Variants in LUZP1 observed in about 807,000 individuals in gnomAD.
The protein encoded by LUZP1 is leucine zipper protein 1.
In LUZP1, 25 loss-of-function variants were observed where a neutral mutation model predicts 71.3. The ratio of observed to expected loss-of-function variants is 0.35; its 90% CI spans 0.26 to 0.49. The LOEUF (loss-of-function observed/expected upper bound fraction) is 0.49. LUZP1 is among the 20% of genes least tolerant of loss of function. The pLI is 0.99. For missense variants in LUZP1, 1,142 were observed against 1,300.8 expected (o/e 0.88, Z 1.88); for synonymous variants, 481 against 506.4 (o/e 0.95, Z 0.67).
chr1:23,106,750 C>A (rs1028922229), intron 3 of LUZP1, among the ~76,000 whole-genome samples: 1 of 152,184 alleles, frequency 6.6e-6, no homozygotes, highest in Non-Finnish European at 1.5e-5. Context: ...TACCATCATC[C>A]CTGCCCTGGA....
At chr1:23,132,673 T>C (rs1205363337) in intron 2 of LUZP1, among the ~76,000 whole-genome samples, 1 of 152,126 alleles carries the variant, frequency 6.6e-6, no homozygotes, top group Non-Finnish European at 1.5e-5. Flanking sequence ...GCTTGTCAAA[T>C]TGTTCAGAAA....
At chr1:23,123,946 C>T (rs1010447381) in intron 2 of LUZP1, among the ~76,000 whole-genome samples, 7 of 152,104 alleles carry the variant, frequency 4.6e-5, no homozygotes, top group East Asian at 3.8e-4. Context: ...TTATTTTTAA[C>T]CTTTCACCAT....
chr1:23,165,393 AG>A, intron 2 of LUZP1, among the ~76,000 whole-genome samples: 1 of 150,436 alleles, frequency 6.6e-6, no homozygotes, highest in African/African-American at 2.4e-5. Flanking sequence ...CATTCCGGGC[AG>A]GGCATGATGG....
chr1:23,112,977 G>A (rs1644046675), intron 2 of LUZP1, among the ~76,000 whole-genome samples: 1 of 152,178 alleles, frequency 6.6e-6, no homozygotes, highest in Admixed American at 6.5e-5. Context: ...CTGCAGGTGT[G>A]ACAGAGTTTG....
At chr1:23,101,823 T>C (rs566395831) in intron 3 of LUZP1, among the ~76,000 whole-genome samples, 12 of 152,324 alleles carry the variant, frequency 7.9e-5, no homozygotes, top group African/African-American at 2.6e-4. Context: ...GTGTTAAGTA[T>C]GTTTATCCAG....
intron 1 of LUZP1, among the ~76,000 whole-genome samples, chr1:23,173,424 G>A (rs1280126531): frequency 7.3e-6 from 1 of 136,224 alleles, no homozygotes; most frequent in Non-Finnish European, 1.5e-5. Context: ...GCATGATCTT[G>A]GGTCACTACA....
chr1:23,125,943 T>G (rs1261916029), intron 2 of LUZP1, among the ~76,000 whole-genome samples: 1 of 152,210 alleles, frequency 6.6e-6, no homozygotes, highest in Non-Finnish European at 1.5e-5. Flanking sequence ...ATTACCTGGG[T>G]ACTTGTTAAA....
chr1:23,159,411 G>A lies in LUZP1; in HGVS notation c.-226+9355C>T, dbSNP rs529197768. ...TAGCATAGAATTAATTCATGCCAAA[G>A]ATGTCACTAACTGGCATTCTTTTAA... On this transcript the variant is annotated intron_variant, in intron 2 of 4. Transcript: ENST00000302291. Among the ~76,000 whole-genome samples the A allele has an allele frequency of 3.3e-5, 5 of 152,242 alleles. No homozygotes were observed. In the South Asian group the frequency reaches 1.0e-3, roughly 32 times the overall value.
exon 5 of LUZP1, chr1:23,084,642 A>G (rs1230154944): frequency 6.6e-6 from 1 of 152,176 alleles, no homozygotes; most frequent in Non-Finnish European, 1.5e-5. Context: ...ATGTCCCTTA[A>G]ATGTGGTTTT....
chr1:23,135,681 G>A (rs372287770), intron 2 of LUZP1, among the ~76,000 whole-genome samples: 16 of 152,178 alleles, frequency 1.1e-4, no homozygotes, highest in African/African-American at 3.6e-4. Context: ...GCCAATTCAA[G>A]AGCTTAGAGA....
At chr1:23,126,691 C>G (rs1644174344) in intron 2 of LUZP1, among the ~76,000 whole-genome samples, 8 of 152,184 alleles carry the variant, frequency 5.3e-5, no homozygotes, top group Admixed American at 5.2e-4. Context: ...CTTAGTCTTA[C>G]ACCCTGTTCA....
At chr1:23,115,398 G>C (rs1461616800) in intron 2 of LUZP1, among the ~76,000 whole-genome samples, 1 of 152,188 alleles carries the variant, frequency 6.6e-6, no homozygotes, top group East Asian at 1.9e-4. Flanking sequence ...CCTTACCAAA[G>C]AAGAGTATAA....
At chr1:23,156,863 A>G (rs953915755) in intron 2 of LUZP1, among the ~76,000 whole-genome samples, 1 of 152,222 alleles carries the variant, frequency 6.6e-6, no homozygotes, top group African/African-American at 2.4e-5. Flanking sequence ...TTTGTGGCCA[A>G]AAACAATGCT....
At chr1:23,138,522 T>C (rs1369507353) in intron 2 of LUZP1, among the ~76,000 whole-genome samples, 1 of 152,128 alleles carries the variant, frequency 6.6e-6, no homozygotes, top group Non-Finnish European at 1.5e-5. Context: ...TGACTGCTAA[T>C]GAGTATGGGT....
intron 2 of LUZP1, among the ~76,000 whole-genome samples, chr1:23,111,950 T>C (rs949617023): frequency 6.6e-6 from 1 of 152,166 alleles, no homozygotes; most frequent in Admixed American, 6.5e-5. Flanking sequence ...GCAGCGCCCC[T>C]GCTAAAATCT....
chr1:23,102,805 A>C (rs1392373823), intron 3 of LUZP1, among the ~76,000 whole-genome samples: 1 of 152,198 alleles, frequency 6.6e-6, no homozygotes, highest in Non-Finnish European at 1.5e-5. Context: ...ACTTAAATAA[A>C]CCATTAAAAA....
intron 2 of LUZP1, chr1:23,109,552 C>G (rs905701073): frequency 6.6e-6 from 1 of 152,188 alleles, no homozygotes; most frequent in Non-Finnish European, 1.5e-5. Flanking sequence ...GTTTTGAGTG[C>G]CCACATGACT....
rs551636175 is a variant in LUZP1, at chr1:23,118,397, CA to C, written c.-225-9271del. On this transcript the variant is annotated intron_variant, in intron 2 of 4. Coordinates refer to ENST00000302291, the Ensembl canonical transcript of LUZP1. ...TGGGCAAGAGAGCAAGACTCCATCT[CA>C]AAAAAAAATTAAAATTAAAATTAAA... Among the ~76,000 whole-genome samples the C allele has an allele frequency of 3.3e-3, 494 of 151,220 alleles. 4 individuals carry two copies. Among genetic ancestry groups the C allele is most frequent in the African/African-American group, 0.011 (462 of 41,238 alleles).
intron 2 of LUZP1, among the ~76,000 whole-genome samples, chr1:23,165,629 T>C (rs1056386586): frequency 1.3e-5 from 2 of 152,048 alleles, no homozygotes; most frequent in African/African-American, 4.8e-5. Context: ...TGAGACATCA[T>C]CACAGCACTG....
Sources: gnomAD v4.1 joint callset for allele counts (sites outside exome capture counted in the v4.1 genomes callset) on GRCh38, gnomAD v4.1.1 for gene constraint, MANE v1.5 for transcripts, NCBI Gene and HGNC (gene_info 2026-07-23, HGNC 2026-07-21) for gene names.